CHAT: variants seen among roughly 807,000 people sequenced by gnomAD.
CHAT encodes the protein acetyl CoA:choline O-acetyltransferase.
A neutral mutation model predicts 76.9 loss-of-function variants in CHAT; 61 were observed. That is an observed-to-expected ratio of 0.79 (90% CI 0.65 to 0.98). The LOEUF (loss-of-function observed/expected upper bound fraction) is 0.98. Ranked by LOEUF, CHAT falls within the 50% of genes least tolerant of loss-of-function variation. CHAT has a pLI of 0.00. For missense variants in CHAT, 946 were observed against 986.9 expected, an observed-to-expected ratio of 0.96 and a Z score of 0.56; for synonymous variants, 407 against 397.4, an observed-to-expected ratio of 1.02 and a Z score of -0.29.
intron 7 of CHAT, among the ~76,000 whole-genome samples, chr10:49,641,661 A>T (rs1266416150): frequency 6.6e-6 from 1 of 152,092 alleles, no homozygotes; most frequent in Non-Finnish European, 1.5e-5. Flanking sequence ...TCATCAGGGG[A>T]GGAAAGATGC....
intron 10 of CHAT, 142 bp downstream of exon 10, chr10:49,649,778 A>T (rs1839810932): frequency 1.2e-6 from 1 of 801,616 alleles, no homozygotes; most frequent in African/African-American, 1.7e-5. Context: ...CCCATCCCTC[A>T]TGTAGTCAAA....
intron 7 of CHAT, among the ~76,000 whole-genome samples, chr10:49,628,460 C>G (rs1159356487): frequency 6.6e-6 from 1 of 152,190 alleles, no homozygotes; most frequent in African/African-American, 2.4e-5. Context: ...CAGAATTTTA[C>G]TGGGTCAGGC....
intron 5 of CHAT, among the ~76,000 whole-genome samples, chr10:49,625,147 A>G (rs1838870142): frequency 6.6e-6 from 1 of 152,174 alleles, no homozygotes; most frequent in Non-Finnish European, 1.5e-5. Context: ...TTCTGAATAG[A>G]ACAGTTGAGT....
upstream of CHAT, chr10:49,611,755 G>A: frequency 6.2e-7 from 1 of 1,603,874 alleles, no homozygotes; most frequent in Non-Finnish European, 8.5e-7. Context: ...CGTGCCTCAT[G>A]TGCTGGGCGT....
Position 49,664,925 on chromosome 10 carries a change from A to C in CHAT, c.2126A>C (p.Lys709Thr), listed in dbSNP as rs1267003971. The change falls in exon 15 of 15, where the codon AAA becomes ACA. Residue 709 changes from lysine (K) to threonine (T), a missense_variant. This residue lies in a region of CHAT where 349 missense variants were observed against 393.9 expected (regional missense o/e 0.89). Coordinates refer to ENST00000337653, the MANE Select transcript of CHAT (RefSeq NM_020549.5). ...GAGACTTCTTCTAGCAAGTTTGCAAAAGCTGTGGAAGAAAGCCTCATTGAC... is the reference window on the plus strand; with the variant it reads ...GAGACTTCTTCTAGCAAGTTTGCAACAGCTGTGGAAGAAAGCCTCATTGAC... The part of the protein sequence containing the change: ...CKETSSSKFA[K>T]AVEESLIDMR... The C allele has an allele frequency of 1.2e-6, 2 of 1,614,232 alleles. No individual in the cohort carries two copies.
At chr10:49,655,031 T>C (rs1046715979) in intron 11 of CHAT, 64 bp from the exon 12 acceptor site, 4 of 1,588,940 alleles carry the variant, frequency 2.5e-6, no homozygotes, top group Admixed American at 1.7e-5. Flanking sequence ...GCAATTTTTC[T>C]TTCCGAGTTT....
intron 10 of CHAT, among the ~76,000 whole-genome samples, chr10:49,650,003 T>C (rs1041068722): frequency 6.6e-6 from 1 of 151,972 alleles, no homozygotes; most frequent in Non-Finnish European, 1.5e-5. Flanking sequence ...CTATTTAAAT[T>C]TGCTTGAATG....
chr10:49,651,145 G>A (rs1839862828), intron 10 of CHAT, among the ~76,000 whole-genome samples: 1 of 152,054 alleles, frequency 6.6e-6, no homozygotes, highest in African/African-American at 2.4e-5. Flanking sequence ...TTTCCAGGTG[G>A]CTGTGGTGAT....
intron 7 of CHAT, among the ~76,000 whole-genome samples, chr10:49,635,629 G>A (rs1423091426): frequency 6.6e-6 from 1 of 151,924 alleles, no homozygotes; most frequent in African/African-American, 2.4e-5. Flanking sequence ...CATTTTGATA[G>A]GTGTGAAGAC....
At chr10:49,620,718 C>A in intron 4 of CHAT, 105 bp downstream of exon 4, 1 of 898,028 alleles carries the variant, frequency 1.1e-6, no homozygotes, top group Non-Finnish European at 1.8e-6. Context: ...CTCGGCTGAG[C>A]TTCCTGGGGT....
At chr10:49,616,422 G>T (rs1312197264) in intron 1 of CHAT, 80 bp from the exon 2 acceptor site, 4 of 1,086,022 alleles carry the variant, frequency 3.7e-6, no homozygotes, top group South Asian at 2.7e-5. Flanking sequence ...CTGGGGTGGG[G>T]GTCTGTTGGC....
intron 7 of CHAT, among the ~76,000 whole-genome samples, chr10:49,630,359 G>T (rs917224776): frequency 1.0e-4 from 15 of 147,114 alleles, no homozygotes; most frequent in African/African-American, 3.5e-4. Context: ...GGAACGGCCA[G>T]CCACATGGAA....
At chr10:49,648,804 G>A (rs927361085) in intron 9 of CHAT, among the ~76,000 whole-genome samples, 197 bp downstream of exon 9, 3 of 151,910 alleles carry the variant, frequency 2.0e-5, no homozygotes, top group Admixed American at 6.6e-5. Context: ...TGTGCTTCAC[G>A]GGCCATGGAT....
At chr10:49,655,590 G>C in intron 13 of CHAT, 142 bp downstream of exon 13, 1 of 744,492 alleles carries the variant, frequency 1.3e-6, no homozygotes. Context: ...TCACCACTCG[G>C]TCTCTTGTTT....
intron 7 of CHAT, among the ~76,000 whole-genome samples, chr10:49,629,936 A>C (rs1037589104): frequency 3.3e-5 from 5 of 152,316 alleles, no homozygotes; most frequent in Non-Finnish European, 7.4e-5. Context: ...GAAGATGGAG[A>C]GACCAGTGAC....
chr10:49,643,641 C>T (rs1244510480), intron 7 of CHAT, among the ~76,000 whole-genome samples: 1 of 152,172 alleles, frequency 6.6e-6, no homozygotes, highest in Non-Finnish European at 1.5e-5. Context: ...CACCCTACCC[C>T]CACTCCCCCA....
At chr10:49,658,291 G>A (rs1344298603) in intron 13 of CHAT, among the ~76,000 whole-genome samples, 10 of 152,122 alleles carry the variant, frequency 6.6e-5, no homozygotes, top group South Asian at 2.1e-4. Context: ...TGAGGCAGGC[G>A]GATCACCTGA....
intron 13 of CHAT, among the ~76,000 whole-genome samples, chr10:49,659,460 C>T (rs964150661): frequency 3.3e-5 from 5 of 152,008 alleles, no homozygotes; most frequent in African/African-American, 4.8e-5. Context: ...AAAAGGAGAT[C>T]ACAAATCAAC....
At chr10:49,636,231 A>G (rs1315636173) in intron 7 of CHAT, among the ~76,000 whole-genome samples, 1 of 152,158 alleles carries the variant, frequency 6.6e-6, no homozygotes, top group Non-Finnish European at 1.5e-5. Context: ...TGGATGTTCA[A>G]TTTTGTCAAA....
Sources: gnomAD v4.1 joint callset for allele counts (sites outside exome capture counted in the v4.1 genomes callset) on GRCh38, gnomAD v4.1.1 for gene constraint, gnomAD v4.1.1 regional missense constraint, MANE v1.5 for transcripts, NCBI Gene and HGNC (gene_info 2026-07-23, HGNC 2026-07-21) for gene names.